COX7B2: variants seen among roughly 807,000 people sequenced by gnomAD.
COX7B2 encodes cytochrome c oxidase subunit 7B2.
For missense variants in COX7B2, 109 were observed against 95.9 expected (o/e 1.14, Z -0.57); for synonymous variants, 37 against 32.1 (o/e 1.15, Z -0.51).
intron 2 of COX7B2, among the ~76,000 whole-genome samples, chr4:46,781,339 A>T (rs1717435098): frequency 6.6e-6 from 1 of 152,210 alleles, no homozygotes; most frequent in African/African-American, 2.4e-5. Flanking sequence ...TCTCCTCCAT[A>T]AATTCCAGTC....
At chr4:46,831,773 ACT>A (rs1473370586) in intron 2 of COX7B2, among the ~76,000 whole-genome samples, 3 of 151,854 alleles carry the variant, frequency 2.0e-5, no homozygotes, top group Non-Finnish European at 4.4e-5. Context: ...ACCAATCAGC[ACT>A]CTGTGTCTAG....
chr4:46,775,320 T>A (rs1717096989), intron 2 of COX7B2, among the ~76,000 whole-genome samples: 1 of 152,108 alleles, frequency 6.6e-6, no homozygotes, highest in African/African-American at 2.4e-5. Context: ...CGGTCATATG[T>A]TGTTAAAAGA....
At chr4:46,857,652 C>A (rs1022937279) in intron 1 of COX7B2, among the ~76,000 whole-genome samples, 4 of 152,134 alleles carry the variant, frequency 2.6e-5, no homozygotes, top group African/African-American at 4.8e-5. Context: ...AATAGTGGAA[C>A]ATTTCAACAT....
At chr4:46,857,822 A>T (rs1717089156) in intron 1 of COX7B2, among the ~76,000 whole-genome samples, 1 of 152,178 alleles carries the variant, frequency 6.6e-6, no homozygotes, top group Non-Finnish European at 1.5e-5. Flanking sequence ...TGAAAAACTA[A>T]CCCTGGTGTT....
intron 1 of COX7B2, among the ~76,000 whole-genome samples, chr4:46,853,406 G>C (rs1009953627): frequency 6.6e-6 from 1 of 151,920 alleles, no homozygotes; most frequent in African/African-American, 2.4e-5. Flanking sequence ...TCTAAAATTT[G>C]TCTACTTATT....
intron 2 of COX7B2, among the ~76,000 whole-genome samples, chr4:46,744,691 A>G (rs1380187645): frequency 6.6e-6 from 1 of 151,784 alleles, no homozygotes; most frequent in African/African-American, 2.4e-5. Context: ...GTAAAAGTAT[A>G]CAGGAAACAT....
chr4:46,781,465 G>A (rs1717441472), intron 2 of COX7B2, among the ~76,000 whole-genome samples: 1 of 152,168 alleles, frequency 6.6e-6, no homozygotes, highest in Admixed American at 6.5e-5. Context: ...CTCAAGATTT[G>A]GTTTTCAAAT....
At chr4:46,833,054 T>C (rs1715266276) in intron 2 of COX7B2, among the ~76,000 whole-genome samples, 1 of 152,084 alleles carries the variant, frequency 6.6e-6, no homozygotes, top group South Asian at 2.1e-4. Flanking sequence ...TACAAGCATG[T>C]ACCACGGTGC....
intron 2 of COX7B2, among the ~76,000 whole-genome samples, chr4:46,778,360 G>A (rs941394300): frequency 1.3e-5 from 2 of 152,022 alleles, no homozygotes; most frequent in African/African-American, 4.8e-5. Context: ...CAGTAACAAT[G>A]ACAATAACAT....
At chr4:46,902,527 G>T (rs908763310) in intron 1 of COX7B2, among the ~76,000 whole-genome samples, 1 of 152,154 alleles carries the variant, frequency 6.6e-6, no homozygotes, top group Non-Finnish European at 1.5e-5. Context: ...TTGCTTCTTT[G>T]CTTCTTCCAT....
intron 1 of COX7B2, among the ~76,000 whole-genome samples, chr4:46,865,405 T>C (rs1402007628): frequency 6.6e-6 from 1 of 152,196 alleles, no homozygotes; most frequent in Non-Finnish European, 1.5e-5. Context: ...TGTATTGTGT[T>C]GTGATAAGCA....
intron 2 of COX7B2, among the ~76,000 whole-genome samples, chr4:46,752,025 T>A (rs1577661054): frequency 6.6e-6 from 1 of 152,268 alleles, no homozygotes; most frequent in East Asian, 1.9e-4. Flanking sequence ...GCTATTTTCA[T>A]GATATTGATT....
intron 2 of COX7B2, among the ~76,000 whole-genome samples, chr4:46,744,110 T>G (rs1714874995): frequency 6.6e-6 from 1 of 151,140 alleles, no homozygotes; most frequent in Admixed American, 6.6e-5. Context: ...GTCCCATAGT[T>G]TTTTTTTTGT....
At chr4:46,803,091 C>G (rs1379851082) in intron 2 of COX7B2, among the ~76,000 whole-genome samples, 1 of 152,122 alleles carries the variant, frequency 6.6e-6, no homozygotes, top group Non-Finnish European at 1.5e-5. Context: ...TATGTTCTGT[C>G]TCAGAGAAGT....
intron 2 of COX7B2, among the ~76,000 whole-genome samples, chr4:46,834,413 A>G (rs985185287): frequency 1.3e-5 from 2 of 152,150 alleles, no homozygotes; most frequent in African/African-American, 4.8e-5. Context: ...AGTGCTAAGC[A>G]TGAAGATATA....
At position 46,777,033 on chromosome 4, in the gene COX7B2, T is replaced by C. The variant is rs192157116; in HGVS notation, c.-49-41792A>G. ...ATTGGATGCATACTGAATATAAATA[T>C]GCTAAAGATGCAGATTAAACTGCTG... is the stretch of plus-strand genomic sequence containing the variant. On this transcript the variant is annotated intron_variant, in intron 2 of 2. Transcript: ENST00000355591. Among the ~76,000 whole-genome samples, 40 of 152,282 alleles carry C rather than the reference T, an allele frequency of 2.6e-4. No individual in the cohort carries two copies. In the East Asian group the frequency reaches 6.2e-3, roughly 23 times the overall value.
At chr4:46,776,668 TG>T (rs1040564279) in intron 2 of COX7B2, among the ~76,000 whole-genome samples, 2 of 152,112 alleles carry the variant, frequency 1.3e-5, no homozygotes, top group Admixed American at 1.3e-4. Context: ...TAATCCCTCT[TG>T]GCTTTCTGTC....
At chr4:46,781,308 C>A (rs1391640419) in intron 2 of COX7B2, among the ~76,000 whole-genome samples, 2 of 152,124 alleles carry the variant, frequency 1.3e-5, no homozygotes, top group East Asian at 3.9e-4. Context: ...GCACACTACC[C>A]AAACTAAGTC....
rs761452963 is a variant in COX7B2, at chr4:46,735,241, G to T, written c.-49C>A. 1.9e-6 allele frequency: 3 copies of T among 1,601,358 alleles called. No individual in the cohort carries two copies. Among genetic ancestry groups the T allele is most frequent in the Non-Finnish European group, 2.6e-6 (3 of 1,175,192 alleles). On this transcript the variant is annotated splice_region_variant and 5_prime_UTR_variant, in exon 3 of 3. Coordinates refer to ENST00000355591, the MANE Select transcript of COX7B2 (RefSeq NM_130902.3). ...TACTGGTCTATTTTGTTGCAAAGAG[G>T]CTGGAAAGAGAGAAAAGATATGCAT... is the stretch of plus-strand genomic sequence containing the variant.
Sources: gnomAD v4.1 joint callset for allele counts (sites outside exome capture counted in the v4.1 genomes callset) on GRCh38, gnomAD v4.1.1 for gene constraint, MANE v1.5 for transcripts, NCBI Gene and HGNC (gene_info 2026-07-23, HGNC 2026-07-21) for gene names.